ZFP14: variants seen among roughly 807,000 people sequenced by gnomAD.
ZFP14 encodes zinc finger protein 14 homolog.
In ZFP14, 22 loss-of-function variants were observed where a neutral mutation model predicts 54.5. The ratio of observed to expected loss-of-function variants is 0.40; its 90% confidence interval spans 0.29 to 0.58. The LOEUF is 0.58. Ranked by LOEUF, ZFP14 falls within the 20% of genes least tolerant of loss-of-function variation. The pLI is 0.39. For synonymous variants in ZFP14, 159 were observed against 204.0 expected, an observed-to-expected ratio of 0.78 and a Z score of 1.88; for missense variants, 470 against 637.8, an observed-to-expected ratio of 0.74 and a Z score of 2.83.
intron 3 of ZFP14, among the ~76,000 whole-genome samples, chr19:36,361,487 G>A (rs568181777): frequency 2.6e-5 from 4 of 151,710 alleles, no homozygotes; most frequent in South Asian, 4.2e-4. Flanking sequence ...TGATCCACCC[G>A]ACTCGGCCTC....
At chr19:36,355,839 G>A (rs1175645034) in intron 4 of ZFP14, among the ~76,000 whole-genome samples, 2 of 142,308 alleles carry the variant, frequency 1.4e-5, no homozygotes, top group Non-Finnish European at 3.1e-5. Flanking sequence ...CTAGAATTGT[G>A]AGAAAATACA....
intron 2 of ZFP14, among the ~76,000 whole-genome samples, chr19:36,363,065 T>A (rs1201668765): frequency 6.6e-6 from 1 of 152,162 alleles, no homozygotes; most frequent in Non-Finnish European, 1.5e-5. Context: ...ATAATCTTCT[T>A]GCTTGTCACT....
At chr19:36,344,237 T>C (rs977087849) in intron 4 of ZFP14, among the ~76,000 whole-genome samples, 1 of 152,168 alleles carries the variant, frequency 6.6e-6, no homozygotes, top group African/African-American at 2.4e-5. Flanking sequence ...ACTCCTGACC[T>C]CAGATGATCT....
intron 4 of ZFP14, among the ~76,000 whole-genome samples, chr19:36,343,237 G>A (rs376609488): frequency 1.3e-5 from 2 of 152,316 alleles, no homozygotes; most frequent in African/African-American, 4.8e-5. Context: ...ATCAATATTT[G>A]AGTCTCTCTG....
chr19:36,343,739 T>C (rs2031364436), intron 4 of ZFP14, among the ~76,000 whole-genome samples: 1 of 152,174 alleles, frequency 6.6e-6, no homozygotes, highest in African/African-American at 2.4e-5. Flanking sequence ...GGTGAGAGCC[T>C]TCTTGCTGGT....
At position 36,362,105 on chromosome 19, in the gene ZFP14, AC is replaced by A; in HGVS notation, c.136+6del. 7 of 1,594,160 alleles carry A rather than the reference AC, an allele frequency of 4.4e-6. No homozygotes were observed. Among genetic ancestry groups the A allele is most frequent in the Non-Finnish European group, 6.0e-6 (7 of 1,173,658 alleles). On this transcript the variant is annotated splice_donor_region_variant and intron_variant, in intron 3 of 4. Coordinates refer to ENST00000270001, the MANE Select transcript of ZFP14 (RefSeq NM_020917.3). ...AAGCTAATATCATTTGGGATAAATA[AC>A]CTTACCTAGTGAAATGAAGTTGCTG...
chr19:36,337,091 A>G lies in ZFP14; in HGVS notation c.*3133T>C, dbSNP rs557141050. 3.9e-5 allele frequency: 6 copies of G among 152,346 alleles called. No individual in the cohort carries two copies. In the South Asian group the frequency reaches 1.2e-3, roughly 32 times the overall value. The allele number at this position is 152,346 out of a possible 1,614,324, so 9.4% of individuals were successfully genotyped here. ...AACCAAATTAATATATGTAAATATC[A>G]TTTAATATTTAGTCCATGTCCACAC... On this transcript the variant is annotated 3_prime_UTR_variant, in exon 5 of 5. Transcript: ENST00000270001.
intron 2 of ZFP14, among the ~76,000 whole-genome samples, chr19:36,366,332 T>G (rs2031794500): frequency 6.6e-6 from 1 of 152,164 alleles, no homozygotes. Flanking sequence ...TTGTTTTGTC[T>G]TTTTGAGATA....
rs1190328663 is a variant in ZFP14, at chr19:36,341,095, G to A, written c.731C>T (p.Thr244Ile). ...ACCCGTATGAAGTCTCTGATGTTGA[G>A]TAAGTTCTTGGAGCACTGTAAAGGC... The part of the protein sequence containing the change: ...GKAFTVLQEL[T>I]QHQRLHTGEK... The change falls in exon 5 of 5, where the codon ACT becomes ATT. Residue 244 changes from threonine to isoleucine, a missense_variant. Physicochemically the swap from Thr to Ile is moderately conservative, Grantham distance 89 (BLOSUM62 -1). Transcript: ENST00000270001. The surrounding 1 kb of genome is among the most constrained non-coding windows in gnomAD (Gnocchi z 4.2). The A allele has an allele frequency of 4.3e-6, 7 of 1,613,870 alleles. 1 individual carries two copies. In the South Asian group the frequency reaches 6.6e-5, roughly 15 times the overall value.
chr19:36,371,270 A>G (rs1381502088), intron 1 of ZFP14, among the ~76,000 whole-genome samples: 1 of 152,146 alleles, frequency 6.6e-6, no homozygotes, highest in African/African-American at 2.4e-5. Flanking sequence ...CTCAAAAAAA[A>G]GGAAAGAATT....
chr19:36,366,529 A>G (rs2031797769), intron 2 of ZFP14, among the ~76,000 whole-genome samples: 2 of 151,904 alleles, frequency 1.3e-5, no homozygotes, highest in Non-Finnish European at 1.5e-5. Context: ...GTTGCCCGGG[A>G]TGGTCTGGAA....
At chr19:36,345,216 T>A (rs2031392814) in intron 4 of ZFP14, among the ~76,000 whole-genome samples, 1 of 152,224 alleles carries the variant, frequency 6.6e-6, no homozygotes, top group South Asian at 2.1e-4. Context: ...TGAGCCAAGA[T>A]TGTGCCATTG....
chr19:36,360,163 A>T (rs1028388370), intron 4 of ZFP14: 1 of 245,174 alleles, frequency 4.1e-6, no homozygotes, highest in Non-Finnish European at 7.7e-6. Context: ...ATATTTATTT[A>T]TTTTTTCTTC....
At position 36,334,476 on chromosome 19, in the gene ZFP14, T is replaced by A. The variant is rs924506202; in HGVS notation, c.*5748A>T. The A allele has an allele frequency of 1.3e-5, 2 of 152,236 alleles. No individual in the cohort carries two copies. The highest frequency in any genetic ancestry group is 2.9e-5 in the Non-Finnish European group (2 of 68,040). 9.4% of individuals were successfully genotyped at this position (152,236 alleles called of 1,614,324 possible). On this transcript the variant is annotated 3_prime_UTR_variant, in exon 5 of 5. Coordinates refer to ENST00000270001, the MANE Select transcript of ZFP14 (RefSeq NM_020917.3). Reference sequence around the variant, plus strand: ...AATGATATTCAATATAGCATCTTTATTACCACAGAAACTCATTTATGTCCT... The same window carrying A: ...AATGATATTCAATATAGCATCTTTAATACCACAGAAACTCATTTATGTCCT...
At chr19:36,363,826 C>A (rs907217435) in intron 2 of ZFP14, among the ~76,000 whole-genome samples, 4 of 151,898 alleles carry the variant, frequency 2.6e-5, no homozygotes, top group Non-Finnish European at 5.9e-5. Context: ...CCTGTCTCTA[C>A]TAAAAACACA....
At chr19:36,373,400 C>T (rs1010371082) in intron 1 of ZFP14, among the ~76,000 whole-genome samples, 1 of 151,620 alleles carries the variant, frequency 6.6e-6, no homozygotes, top group Non-Finnish European at 1.5e-5. Context: ...GGGGAAATGG[C>T]AAGGTTGAGG....
At chr19:36,366,868 T>C (rs2031802755) in intron 2 of ZFP14, among the ~76,000 whole-genome samples, 1 of 152,084 alleles carries the variant, frequency 6.6e-6, no homozygotes, top group African/African-American at 2.4e-5. Context: ...AAATGTCATA[T>C]TGTGGCCAGG....
chr19:36,344,729 A>T (rs1179638505), intron 4 of ZFP14, among the ~76,000 whole-genome samples: 1 of 152,096 alleles, frequency 6.6e-6, no homozygotes, highest in Non-Finnish European at 1.5e-5. Context: ...TGAACTGTGT[A>T]TGCGAGGGAT....
intron 4 of ZFP14, among the ~76,000 whole-genome samples, chr19:36,352,508 C>CAA (rs2031544083): frequency 7.0e-6 from 1 of 142,534 alleles, no homozygotes; most frequent in South Asian, 2.2e-4. Flanking sequence ...AATTAATAGA[C>CAA]AAAAATGACT....
Sources: allele counts gnomAD v4.1 joint callset (sites outside exome capture counted in the v4.1 genomes callset), GRCh38; gene constraint gnomAD v4.1.1; non-coding constraint Gnocchi (gnomAD v3.1); transcripts MANE v1.5; gene names NCBI Gene and HGNC (gene_info 2026-07-23, HGNC 2026-07-21).